The following RYR2 variants were observed in gnomAD, a reference collection of about 807,000 sequenced individuals.
RYR2 encodes the protein cardiac muscle ryanodine receptor-calcium release channel.
Under a neutral mutation model 601.1 loss-of-function variants are expected in RYR2, and 227 were observed. That is an observed-to-expected ratio of 0.38 (90% CI 0.34 to 0.42). The LOEUF is 0.42. RYR2 is among the 10% of genes least tolerant of loss of function. The probability of loss-of-function intolerance (pLI) is 1.00; values close to 1 mark genes in which losing one functional copy is unlikely to be tolerated. For synonymous variants in RYR2, 2,223 were observed against 2,175.1 expected, an observed-to-expected ratio of 1.02 and a Z score of -0.61; for missense variants, 4,646 against 6,156.5, an observed-to-expected ratio of 0.75 and a Z score of 8.21.
intron 3 of RYR2, among the ~76,000 whole-genome samples, chr1:237,338,272 C>T (rs904222582): frequency 2.0e-5 from 3 of 152,050 alleles, no homozygotes; most frequent in African/African-American, 7.2e-5. Flanking sequence ...TCTTGCAAAC[C>T]GATCAATAGG....
intron 1 of RYR2, among the ~76,000 whole-genome samples, chr1:237,149,881 G>A (rs1427209229): frequency 1.3e-5 from 2 of 152,142 alleles, no homozygotes; most frequent in Non-Finnish European, 2.9e-5. Context: ...AAATACATGA[G>A]CCGTTGCCAT....
intron 78 of RYR2, among the ~76,000 whole-genome samples, chr1:237,732,669 C>A (rs532408954): frequency 7.8e-4 from 118 of 152,256 alleles, no homozygotes; most frequent in African/African-American, 2.7e-3. Flanking sequence ...TATGAATTCA[C>A]CAAAGCCACA....
chr1:237,519,800 C>T (rs1666915714), intron 24 of RYR2, among the ~76,000 whole-genome samples: 1 of 151,972 alleles, frequency 6.6e-6, no homozygotes, highest in Non-Finnish European at 1.5e-5. Context: ...GATTGTTTTT[C>T]CCTAATTCTG....
intron 100 of RYR2, among the ~76,000 whole-genome samples, chr1:237,816,710 A>G (rs1356576877): frequency 2.0e-5 from 3 of 152,072 alleles, no homozygotes; most frequent in Non-Finnish European, 4.4e-5. Flanking sequence ...AAAAAAAGGA[A>G]AAAAGCAATC....
intron 84 of RYR2, among the ~76,000 whole-genome samples, chr1:237,767,016 C>A (rs1199432913): frequency 6.7e-6 from 1 of 148,436 alleles, no homozygotes; most frequent in Non-Finnish European, 1.5e-5. Flanking sequence ...ACATTTATTT[C>A]TTTTGTGCTT....
intron 1 of RYR2, among the ~76,000 whole-genome samples, chr1:237,190,181 G>T (rs1328237219): frequency 6.6e-6 from 1 of 152,054 alleles, no homozygotes; most frequent in African/African-American, 2.4e-5. Context: ...GAGCCACCGT[G>T]CCCAGCCATA....
chr1:237,538,394 C>CAAAAAAAA lies in RYR2; in HGVS notation c.2906+7910_2906+7917dup, dbSNP rs10551995. Among the ~76,000 whole-genome samples the CAAAAAAAA allele has an allele frequency of 1.2e-4, 4 of 32,872 alleles. 1 individual carries two copies. The highest frequency in any genetic ancestry group is 4.0e-4 in the African/African-American group (3 of 7,502). The allele number at this position is 32,872 out of a possible 152,430, so 21.6% of individuals were successfully genotyped here. ...TGGGTGACAGAGCAAGACTCTGTCT[C>CAAAAAAAA]AAAAAAAAAAAAAAAAAAAAAAAAA... On this transcript the variant is annotated intron_variant, in intron 25 of 104. Coordinates refer to ENST00000366574, the MANE Select transcript of RYR2 (RefSeq NM_001035.3).
intron 29 of RYR2, among the ~76,000 whole-genome samples, chr1:237,574,198 C>T (rs1345985646): frequency 6.6e-6 from 1 of 152,146 alleles, no homozygotes; most frequent in Non-Finnish European, 1.5e-5. Flanking sequence ...TAAAAGACCC[C>T]TTGGACTGTA....
intron 82 of RYR2, among the ~76,000 whole-genome samples, chr1:237,758,557 G>A (rs574240067): frequency 4.7e-4 from 71 of 151,504 alleles, no homozygotes; most frequent in African/African-American, 1.2e-3. Flanking sequence ...GCATTTGTGC[G>A]TATATATATA....
chr1:237,395,920 A>G (rs1281802649), intron 10 of RYR2, among the ~76,000 whole-genome samples: 1 of 152,156 alleles, frequency 6.6e-6, no homozygotes, highest in Non-Finnish European at 1.5e-5. Flanking sequence ...GTTGGTCTGC[A>G]TATTCATCTC....
chr1:237,823,573 A>T (rs984970182), intron 101 of RYR2, among the ~76,000 whole-genome samples: 3 of 152,226 alleles, frequency 2.0e-5, no homozygotes, highest in Admixed American at 2.0e-4. Context: ...CAAAAGAGAA[A>T]GCAGGAAAGA....
At chr1:237,512,988 T>C (rs1363614767) in intron 24 of RYR2, among the ~76,000 whole-genome samples, 3 of 152,162 alleles carry the variant, frequency 2.0e-5, no homozygotes. Flanking sequence ...CTGCAACTCC[T>C]GGGTTCAGGT....
chr1:237,133,419 G>A (rs1306885885), intron 1 of RYR2, among the ~76,000 whole-genome samples: 1 of 152,152 alleles, frequency 6.6e-6, no homozygotes, highest in Non-Finnish European at 1.5e-5. Context: ...GATATGTTTA[G>A]TCTCTGGTGA....
At chr1:237,656,094 G>A in intron 53 of RYR2, 110 bp downstream of exon 53, 14 of 899,012 alleles carry the variant, frequency 1.6e-5, no homozygotes, top group South Asian at 6.2e-5. Flanking sequence ...CCTTTGAATT[G>A]GTATCCTTTT....
chr1:237,436,027 G>A (rs1404173766), intron 12 of RYR2, among the ~76,000 whole-genome samples: 1 of 152,122 alleles, frequency 6.6e-6, no homozygotes, highest in Non-Finnish European at 1.5e-5. Flanking sequence ...ACCAAGAGCA[G>A]GGTAGAGTCC....
intron 103 of RYR2, 28 bp from the exon 104 acceptor site, chr1:237,831,486 T>G (rs752469974): frequency 7.6e-7 from 1 of 1,312,446 alleles, no homozygotes; most frequent in Non-Finnish European, 1.1e-6. Flanking sequence ...ATACCGTTCA[T>G]TTCTGATCAG....
chr1:237,528,938 T>C (rs954517360), intron 24 of RYR2, among the ~76,000 whole-genome samples: 14 of 152,160 alleles, frequency 9.2e-5, no homozygotes, highest in Non-Finnish European at 1.6e-4. Flanking sequence ...GAGTTTATGG[T>C]AAATCCTAAT....
At chr1:237,128,503 G>A (rs955029098) in intron 1 of RYR2, among the ~76,000 whole-genome samples, 2 of 152,212 alleles carry the variant, frequency 1.3e-5, no homozygotes, top group East Asian at 3.9e-4. Flanking sequence ...CTAGAGTAGG[G>A]TGAATAAGGG....
At chr1:237,807,545 T>G (rs1475398322) in intron 99 of RYR2, among the ~76,000 whole-genome samples, 1 of 151,510 alleles carries the variant, frequency 6.6e-6, no homozygotes, top group African/African-American at 2.4e-5. Flanking sequence ...AGAGATGGGG[T>G]TTCACCATGT....
Sources: allele counts gnomAD v4.1 joint callset (sites outside exome capture counted in the v4.1 genomes callset), GRCh38; gene constraint gnomAD v4.1.1; transcripts MANE v1.5; gene names NCBI Gene and HGNC (gene_info 2026-07-23, HGNC 2026-07-21).